FAM20B: variants seen among roughly 807,000 people sequenced by gnomAD.
FAM20B encodes the protein FAM20B glycosaminoglycan xylosylkinase.
Under a neutral mutation model 43.8 loss-of-function variants are expected in FAM20B, and 23 were observed. The observed-to-expected ratio is 0.53, with a 90% CI of 0.38 to 0.74. The LOEUF (loss-of-function observed/expected upper bound fraction) is 0.74. FAM20B is among the 30% of genes least tolerant of loss of function. The pLI is 0.00. For missense variants in FAM20B, 440 were observed against 510.5 expected (o/e 0.86, Z 1.33); for synonymous variants, 178 against 192.4 (o/e 0.93, Z 0.62).
intron 7 of FAM20B, among the ~76,000 whole-genome samples, chr1:179,069,386 T>TGTTTC (rs1247621775): frequency 6.6e-6 from 1 of 152,204 alleles, no homozygotes; most frequent in African/African-American, 2.4e-5. Flanking sequence ...TGTTTTGTTT[T>TGTTTC]TTGAGATGGA....
chr1:179,035,448 C>T (rs965687014), intron 1 of FAM20B: 1 of 707,794 alleles, frequency 1.4e-6, no homozygotes. Flanking sequence ...AATGTAGCTT[C>T]ACAAACAGCT....
upstream of FAM20B, among the ~76,000 whole-genome samples, chr1:179,023,290 A>G (rs1649635367): frequency 6.6e-6 from 1 of 152,212 alleles, no homozygotes; most frequent in Non-Finnish European, 1.5e-5. Context: ...CAACACATCA[A>G]TGTGGAGAAG....
At chr1:179,066,267 A>G (rs1012697297) in intron 6 of FAM20B, among the ~76,000 whole-genome samples, 30 of 152,206 alleles carry the variant, frequency 2.0e-4, no homozygotes, top group African/African-American at 7.0e-4. Flanking sequence ...TAATTTTTGC[A>G]TCTGCTGTGA....
In FAM20B at chr1:179,070,515, C is replaced by CTTT. The variant is rs61169246; in HGVS notation, c.999-1373_999-1371dup. ...GAGGGCAACAAGGGGCTGAACTCGCCTTTTTTTTTTTTTTTTTTTTTTTTT... is the reference window on the plus strand; with the variant it reads ...GAGGGCAACAAGGGGCTGAACTCGCCTTTTTTTTTTTTTTTTTTTTTTTTTTTT... On this transcript the variant is annotated intron_variant, in intron 7 of 7. Coordinates refer to ENST00000263733, the MANE Select transcript of FAM20B (RefSeq NM_014864.4). 3.3e-4 allele frequency among the ~76,000 whole-genome samples: 19 copies of CTTT among 57,774 alleles called. 3 individuals are homozygous for CTTT. Among genetic ancestry groups the CTTT allele is most frequent in the African/African-American group, 1.3e-3 (14 of 10,506 alleles). 37.9% of individuals were successfully genotyped at this position (57,774 alleles called of 152,430 possible).
upstream of FAM20B, among the ~76,000 whole-genome samples, chr1:179,021,834 C>T (rs1649608786): frequency 6.6e-6 from 1 of 152,170 alleles, no homozygotes. Context: ...CTAAAAGGCA[C>T]TGAGTATATT....
intron 1 of FAM20B, among the ~76,000 whole-genome samples, chr1:179,034,541 C>T (rs1650140351): frequency 6.6e-6 from 1 of 152,172 alleles, no homozygotes; most frequent in African/African-American, 2.4e-5. Context: ...GGCCCTGACT[C>T]CACCTCTTGA....
chr1:179,075,340 C>A lies in FAM20B; in HGVS notation c.*3196C>A, dbSNP rs1411969884. 2.6e-5 allele frequency: 4 copies of A among 152,056 alleles called. No individual in the cohort carries two copies. Among genetic ancestry groups the A allele is most frequent in the Non-Finnish European group, 5.9e-5 (4 of 68,032 alleles). The allele number at this position is 152,056 out of a possible 1,614,324, so 9.4% of individuals were successfully genotyped here. ...TGCCTACCAAACATCCAAAGGTAGA[C>A]GTGGAGACATTTTAATACTACAAAA... On this transcript the variant is annotated 3_prime_UTR_variant, in exon 8 of 8. Coordinates refer to ENST00000263733, the MANE Select transcript of FAM20B (RefSeq NM_014864.4).
At chr1:179,040,948 G>A (rs138145425) in intron 1 of FAM20B, among the ~76,000 whole-genome samples, 14,485 of 148,172 alleles carry the variant, frequency 0.098, 840 homozygotes, top group African/African-American at 0.13. Flanking sequence ...GGTCACGGCC[G>A]GGCAGAGGCG....
At position 179,048,090 on chromosome 1, in the gene FAM20B, A is replaced by AT. The variant is rs568290496; in HGVS notation, c.378-2179dup. ...TTGCCTTACATTATAAGTAAAGGTG[A>AT]TTTTTTTTTTAATGTAGCTATTTCC... On this transcript the variant is annotated intron_variant, in intron 2 of 7. Transcript: ENST00000263733. 2.7e-3 allele frequency among the ~76,000 whole-genome samples: 398 copies of AT among 149,722 alleles called. 3 individuals are homozygous for AT. The highest frequency in any genetic ancestry group is 8.8e-3 in the African/African-American group (360 of 40,982).
At chr1:179,056,529 T>C (rs567460929) in intron 4 of FAM20B, among the ~76,000 whole-genome samples, 1 of 152,360 alleles carries the variant, frequency 6.6e-6, no homozygotes, top group Non-Finnish European at 1.5e-5. Context: ...CCACAGTTTA[T>C]CCATTTACCT....
chr1:179,021,327 A>T (rs377019879), upstream of FAM20B, among the ~76,000 whole-genome samples: 1 of 152,190 alleles, frequency 6.6e-6, no homozygotes, highest in Non-Finnish European at 1.5e-5. Flanking sequence ...CAAAAAAAAA[A>T]TGTGTGTTAA....
chr1:179,020,154 TACACACACACACACACACACACAC>T, the FAM20B span, among the ~76,000 whole-genome samples: 100 of 148,606 alleles, frequency 6.7e-4, 1 homozygote, highest in Non-Finnish European at 6.3e-4. Context: ...TGTGTGTGTA[TACACACACACACACACACACACAC>T]ACACACACAC....
At chr1:179,030,616 T>C (rs527855180) in intron 1 of FAM20B, among the ~76,000 whole-genome samples, 1 of 152,362 alleles carries the variant, frequency 6.6e-6, no homozygotes, top group African/African-American at 2.4e-5. Context: ...TTTTATATAC[T>C]GTATACTTGA....
At chr1:179,031,612 C>G (rs945106406) in intron 1 of FAM20B, among the ~76,000 whole-genome samples, 1 of 152,114 alleles carries the variant, frequency 6.6e-6, no homozygotes, top group East Asian at 1.9e-4. Context: ...TCAGAGGGAA[C>G]TTGTTAGAGA....
intron 1 of FAM20B, among the ~76,000 whole-genome samples, chr1:179,038,411 CAAA>C (rs34979873): frequency 1.5e-5 from 2 of 132,872 alleles, no homozygotes; most frequent in Non-Finnish European, 3.2e-5. Flanking sequence ...AACTGCATCT[CAAA>C]AAAAAAAAAA....
chr1:179,045,843 A>G (rs1020614230), intron 2 of FAM20B, among the ~76,000 whole-genome samples: 8 of 151,796 alleles, frequency 5.3e-5, no homozygotes, highest in Non-Finnish European at 1.2e-4. Context: ...GCAGCAAGCC[A>G]TGCTCGTGCC....
intron 1 of FAM20B, among the ~76,000 whole-genome samples, chr1:179,042,711 C>T (rs576195711): frequency 3.9e-5 from 6 of 152,314 alleles, no homozygotes; most frequent in African/African-American, 1.4e-4. Flanking sequence ...AATAGAACAG[C>T]TCTCTGGAGA....
chr1:179,056,891 T>C (rs1379605301), intron 4 of FAM20B, among the ~76,000 whole-genome samples: 1 of 152,212 alleles, frequency 6.6e-6, no homozygotes, highest in Non-Finnish European at 1.5e-5. Context: ...ATGTACAGCA[T>C]CTTTACATAT....
At chr1:179,043,664 G>A in intron 1 of FAM20B, 51 bp from the exon 2 acceptor site, 1 of 553,850 alleles carries the variant, frequency 1.8e-6, no homozygotes, top group South Asian at 3.0e-5. Flanking sequence ...AGATTCAGGG[G>A]TGGAAGGACA....
Sources: allele counts gnomAD v4.1 joint callset (sites outside exome capture counted in the v4.1 genomes callset), GRCh38; gene constraint gnomAD v4.1.1; transcripts MANE v1.5; gene names NCBI Gene and HGNC (gene_info 2026-07-23, HGNC 2026-07-21).